Variants in ATP10D observed in about 807,000 individuals in gnomAD.
The protein encoded by ATP10D is phospholipid-transporting ATPase VD.
Under a neutral mutation model 144.8 loss-of-function variants are expected in ATP10D, and 89 were observed. The observed-to-expected ratio is 0.61, with a 90% CI of 0.52 to 0.73. The LOEUF (loss-of-function observed/expected upper bound fraction) is 0.73, where lower values mean the gene tolerates loss of function less well. Ranked by LOEUF, ATP10D falls within the 30% of genes least tolerant of loss-of-function variation. The pLI, the probability that ATP10D is intolerant of heterozygous loss-of-function variation, is 0.00. For missense variants in ATP10D, 1,603 were observed against 1,714.8 expected, an observed-to-expected ratio of 0.93 and a Z score of 1.15; for synonymous variants, 571 against 615.1, an observed-to-expected ratio of 0.93 and a Z score of 1.06.
intron 1 of ATP10D, among the ~76,000 whole-genome samples, chr4:47,512,081 G>A (rs777971065): frequency 1.3e-5 from 2 of 152,160 alleles, no homozygotes; most frequent in Non-Finnish European, 2.9e-5. Context: ...CATAGAATGG[G>A]TTTTTTTGAT....
intron 1 of ATP10D, among the ~76,000 whole-genome samples, chr4:47,487,421 A>G (rs1448079777): frequency 6.6e-6 from 1 of 152,270 alleles, no homozygotes; most frequent in East Asian, 1.9e-4. Flanking sequence ...CCTTCATTAC[A>G]TGTTTTCTTT....
chr4:47,546,731 A>AG lies in ATP10D; in HGVS notation c.1506dup (p.Thr503AspfsTer4). On this transcript the variant is annotated frameshift_variant, in exon 10 of 23. Transcript: ENST00000273859. LOFTEE classifies it high-confidence loss of function. The stretch of plus-strand genomic sequence containing the variant: ...GGCAAAACCGAGAGCCCCCAGCTGC[A>AG]GGACAGTTCATAATGGGCCTTTGGG... 1 of 1,614,150 alleles carries AG rather than the reference A, an allele frequency of 6.2e-7. No homozygotes were observed. Among genetic ancestry groups the AG allele is most frequent in the Non-Finnish European group, 8.5e-7 (1 of 1,179,990 alleles).
chr4:47,561,785 A>G (rs757629005), intron 14 of ATP10D, among the ~76,000 whole-genome samples: 3 of 152,132 alleles, frequency 2.0e-5, no homozygotes, highest in Non-Finnish European at 2.9e-5. Context: ...TGGCTTGGGC[A>G]TTGGAATTTT....
intron 10 of ATP10D, among the ~76,000 whole-genome samples, chr4:47,552,574 C>A (rs1253841897): frequency 6.6e-6 from 1 of 152,228 alleles, no homozygotes; most frequent in Non-Finnish European, 1.5e-5. Context: ...AAGAGCCCTA[C>A]TTCCTAATAC....
chr4:47,496,156 C>CTTTT (rs5858072), intron 1 of ATP10D, among the ~76,000 whole-genome samples: 10 of 132,886 alleles, frequency 7.5e-5, no homozygotes, highest in Non-Finnish European at 9.4e-5. Context: ...TTTCCTTTTT[C>CTTTT]TTTTTTTTTT....
At chr4:47,518,737 A>G (rs1309662548) in intron 3 of ATP10D, among the ~76,000 whole-genome samples, 4 of 152,206 alleles carry the variant, frequency 2.6e-5, no homozygotes, top group African/African-American at 9.7e-5. Flanking sequence ...ACTTTACGAA[A>G]CAAAAATTTT....
intron 5 of ATP10D, among the ~76,000 whole-genome samples, chr4:47,533,290 A>G (rs1403671953): frequency 6.6e-6 from 1 of 152,126 alleles, no homozygotes; most frequent in African/African-American, 2.4e-5. Flanking sequence ...TCATTTCCTC[A>G]TCTGTAAAAC....
intron 1 of ATP10D, among the ~76,000 whole-genome samples, chr4:47,508,912 G>A (rs1716166923): frequency 6.6e-6 from 1 of 152,160 alleles, no homozygotes; most frequent in African/African-American, 2.4e-5. Context: ...TGAAGTCTAA[G>A]CCTTAAGATA....
chr4:47,583,288 A>G (rs1394255215), intron 21 of ATP10D: 1 of 152,254 alleles, frequency 6.6e-6, no homozygotes, highest in African/African-American at 2.4e-5. Context: ...GTGCTCAAAA[A>G]ATATTTGAAT....
chr4:47,560,890 T>A, intron 13 of ATP10D, 59 bp from the exon 14 acceptor site: 1 of 1,603,870 alleles, frequency 6.2e-7, no homozygotes, highest in Non-Finnish European at 8.5e-7. Context: ...AGGTCAGTCC[T>A]GGTATTCCCA....
intron 9 of ATP10D, among the ~76,000 whole-genome samples, chr4:47,540,529 G>A (rs2109428497): frequency 6.6e-6 from 1 of 152,244 alleles, no homozygotes; most frequent in East Asian, 1.9e-4. Context: ...ACTTTAAAGA[G>A]AATGACTTTC....
chr4:47,587,569 T>C (rs1720849502), intron 22 of ATP10D, among the ~76,000 whole-genome samples: 1 of 152,064 alleles, frequency 6.6e-6, no homozygotes. Context: ...CACAGTGGAA[T>C]TTATAAACAG....
chr4:47,571,331 C>T (rs1177661292), intron 16 of ATP10D, among the ~76,000 whole-genome samples: 1 of 148,042 alleles, frequency 6.8e-6, no homozygotes. Context: ...TAATTTATAT[C>T]ATGCATTATG....
intron 1 of ATP10D, among the ~76,000 whole-genome samples, chr4:47,495,549 G>C (rs939980145): frequency 2.0e-5 from 3 of 151,908 alleles, no homozygotes; most frequent in African/African-American, 7.3e-5. Context: ...ATTAAAATCT[G>C]CTATTAATAG....
chr4:47,508,111 AG>A (rs1716121048), intron 1 of ATP10D, among the ~76,000 whole-genome samples: 1 of 152,164 alleles, frequency 6.6e-6, no homozygotes, highest in Admixed American at 6.5e-5. Context: ...GATTCTTATC[AG>A]GGGGTCTTGG....
intron 1 of ATP10D, among the ~76,000 whole-genome samples, chr4:47,501,736 T>C (rs1201830396): frequency 2.0e-5 from 3 of 152,240 alleles, no homozygotes; most frequent in African/African-American, 7.2e-5. Context: ...GATAATAATA[T>C]GTACTTTATT....
At chr4:47,555,010 G>T in intron 11 of ATP10D, 96 bp downstream of exon 11, 1 of 1,047,332 alleles carries the variant, frequency 9.5e-7, no homozygotes, top group Non-Finnish European at 1.4e-6. Context: ...GGATAAAAAT[G>T]ATAAATAATA....
intron 16 of ATP10D, among the ~76,000 whole-genome samples, chr4:47,571,065 A>T (rs1719925316): frequency 6.6e-6 from 1 of 151,894 alleles, no homozygotes. Context: ...ATCCTATCCT[A>T]TTAACAACTT....
intron 10 of ATP10D, chr4:47,547,135 G>A: frequency 2.3e-6 from 1 of 427,426 alleles, no homozygotes. Context: ...GATTATGTGT[G>A]AGCCTGAAGA....
Sources: allele counts gnomAD v4.1 joint callset (sites outside exome capture counted in the v4.1 genomes callset), GRCh38; gene constraint gnomAD v4.1.1; transcripts MANE v1.5; gene names NCBI Gene and HGNC (gene_info 2026-07-23, HGNC 2026-07-21).